Variants in ADAT2 observed in about 807,000 individuals in gnomAD.
ADAT2 encodes the protein adenosine deaminase tRNA specific 2.
In ADAT2, 26 loss-of-function variants were observed where a neutral mutation model predicts 25.9. The ratio of observed to expected loss-of-function variants is 1.00; its 90% CI spans 0.74 to 1.39. The LOEUF is 1.39. Ranked by LOEUF, ADAT2 falls within the 40% of genes most tolerant of loss-of-function variation. ADAT2 has a pLI of 0.00. For missense variants in ADAT2, 220 were observed against 244.8 expected, an observed-to-expected ratio of 0.90 and a Z score of 0.68; for synonymous variants, 76 against 86.8, an observed-to-expected ratio of 0.88 and a Z score of 0.69.
At position 143,444,175 on chromosome 6, in the gene ADAT2, T is replaced by C. The variant is rs140643162; in HGVS notation, c.97-5481A>G. Among the ~76,000 whole-genome samples the C allele has an allele frequency of 6.6e-5, 10 of 152,330 alleles. No individual in the cohort carries two copies. Among genetic ancestry groups the C allele is most frequent in the African/African-American group, 2.4e-4 (10 of 41,576 alleles). ...ACTCCTCTCAATATTATCTTCATGT[T>C]TATTTTGAGTAACACAGTTTTTTTT... On this transcript the variant is annotated intron_variant, in intron 1 of 5. Coordinates refer to ENST00000237283, the MANE Select transcript of ADAT2 (RefSeq NM_182503.3). The surrounding 1 kb of genome is among the most constrained non-coding windows in gnomAD (Gnocchi z 4.3).
intron 2 of ADAT2, among the ~76,000 whole-genome samples, chr6:143,438,039 G>C (rs1401793398): frequency 6.6e-6 from 1 of 152,086 alleles, no homozygotes; most frequent in African/African-American, 2.4e-5. Context: ...TGGTGTTGAA[G>C]ACCCTATTTT....
Position 143,431,089 on chromosome 6 carries a change from G to A in ADAT2, c.459+1416C>T, listed in dbSNP as rs116878039. Among the ~76,000 whole-genome samples, 602 of 152,184 alleles carry A rather than the reference G, an allele frequency of 4.0e-3. 1 individual carries two copies. Among genetic ancestry groups the A allele is most frequent in the Non-Finnish European group, 7.0e-3 (475 of 68,010 alleles). On this transcript the variant is annotated intron_variant, in intron 4 of 5. Transcript: ENST00000237283. ...AAGAATACCCAGCATTCAGAGCCTGGGCCACCACTGTTCTCCTTAGAATCT... is the reference window on the plus strand; with the variant it reads ...AAGAATACCCAGCATTCAGAGCCTGAGCCACCACTGTTCTCCTTAGAATCT...
At position 143,437,697 on chromosome 6, in the gene ADAT2, T is replaced by C. The variant is rs1779332444; in HGVS notation, c.201+893A>G. On this transcript the variant is annotated intron_variant, in intron 2 of 5. Transcript: ENST00000237283. This position sits in a 1 kb window ranked among gnomAD's most constrained non-coding sequence, Gnocchi z 4.1. ...CATGTGTTTTGCTAAATATCAGTTT[T>C]CTTTTCAATAGATGTGATTGATAGA... Among the ~76,000 whole-genome samples, 1 of 152,230 alleles carries C rather than the reference T, an allele frequency of 6.6e-6. No homozygotes were observed. The highest frequency in any genetic ancestry group is 2.4e-5 in the African/African-American group (1 of 41,454).
rs1186458148 is a variant in ADAT2, at chr6:143,423,802, A to G, written c.*4661T>C. The G allele has an allele frequency of 6.6e-6, 1 of 152,224 alleles. No homozygotes were observed. The highest frequency in any genetic ancestry group is 2.4e-5 in the African/African-American group (1 of 41,464). 9.4% of individuals were successfully genotyped at this position (152,224 alleles called of 1,614,324 possible). A position where few individuals can be genotyped will look rare whatever the true frequency, so the allele number is the denominator to read the frequency against. ...TCAAAAGTAGGGGATGAGAAATTTC[A>G]TAGATATTGGGGATGTGGGATTCTC... On this transcript the variant is annotated 3_prime_UTR_variant, in exon 6 of 6. Coordinates refer to ENST00000237283, the MANE Select transcript of ADAT2 (RefSeq NM_182503.3).
At position 143,432,362 on chromosome 6, in the gene ADAT2, A is replaced by G; in HGVS notation, c.459+143T>C. 1.4e-6 allele frequency: 1 copy of G among 722,716 alleles called. No individual in the cohort carries two copies. Among genetic ancestry groups the G allele is most frequent in the Non-Finnish European group, 2.3e-6 (1 of 433,194 alleles). 44.8% of individuals were successfully genotyped at this position (722,716 alleles called of 1,614,324 possible). On this transcript the variant is annotated intron_variant, in intron 4 of 5. Transcript: ENST00000237283. The surrounding 1 kb of genome is among the most constrained non-coding windows in gnomAD (Gnocchi z 4.4). ...GTCATCTTATACTGAGGCATAAATG[A>G]ACTCCACCAGAGGCCCTGAGATCAA...
chr6:143,449,675 T>C (rs919426340), intron 1 of ADAT2: 2 of 152,336 alleles, frequency 1.3e-5, no homozygotes, highest in South Asian at 2.1e-4. Flanking sequence ...AGCTGAAAAG[T>C]GCTAGCGAGC....
chr6:143,446,687 C>G lies in ADAT2; in HGVS notation c.96+3876G>C, dbSNP rs888785578. The stretch of plus-strand genomic sequence containing the variant: ...TGGCAAGCAGTGAGCTACCTAACAC[C>G]GAGAGGCAGGCCAGGCCAGTATTTA... On this transcript the variant is annotated intron_variant, in intron 1 of 5. Coordinates refer to ENST00000237283, the MANE Select transcript of ADAT2 (RefSeq NM_182503.3). This position sits in a 1 kb window ranked among gnomAD's most constrained non-coding sequence, Gnocchi z 5.0. Among the ~76,000 whole-genome samples the G allele has an allele frequency of 2.6e-5, 4 of 151,946 alleles. No individual in the cohort carries two copies. The highest frequency in any genetic ancestry group is 6.6e-5 in the Admixed American group (1 of 15,260).
intron 4 of ADAT2, among the ~76,000 whole-genome samples, chr6:143,430,238 C>T (rs1268940496): frequency 1.3e-5 from 2 of 152,206 alleles, no homozygotes; most frequent in African/African-American, 4.8e-5. Flanking sequence ...CCACTCCACT[C>T]GCACACTCAG....
At chr6:143,429,247 TA>T (rs940660276) in intron 4 of ADAT2, among the ~76,000 whole-genome samples, 10 of 151,770 alleles carry the variant, frequency 6.6e-5, no homozygotes, top group Non-Finnish European at 1.5e-4. Flanking sequence ...AAAGCTTTGT[TA>T]AAGAAAAAAA....
In ADAT2 at chr6:143,437,073, GTT is replaced by G. The variant is rs903554052; in HGVS notation, c.201+1515_201+1516del. Among the ~76,000 whole-genome samples, 1 of 150,348 alleles carries G rather than the reference GTT, an allele frequency of 6.7e-6. No homozygotes were observed. Among genetic ancestry groups the G allele is most frequent in the African/African-American group, 2.4e-5 (1 of 41,148 alleles). On this transcript the variant is annotated intron_variant, in intron 2 of 5. Transcript: ENST00000237283. The surrounding 1 kb of genome is among the most constrained non-coding windows in gnomAD (Gnocchi z 4.1). ...TTTTCATAAGCAAATTGATAAAAAA[GTT>G]TTTTTGGGGGGCTGACATATTAACT...
chr6:143,423,480 T>C lies in ADAT2; in HGVS notation c.*4983A>G, dbSNP rs1168848244. ...TGGACTCCTGCTCTAGATTCTCAAG[T>C]TCATGCTTCAACATGTTAAAGAAAA... On this transcript the variant is annotated 3_prime_UTR_variant, in exon 6 of 6. Transcript: ENST00000237283. 6.6e-6 allele frequency: 1 copy of C among 152,230 alleles called. No individual in the cohort carries two copies. The highest frequency in any genetic ancestry group is 2.4e-5 in the African/African-American group (1 of 41,456). 9.4% of individuals were successfully genotyped at this position (152,230 alleles called of 1,614,324 possible).
intron 1 of ADAT2, among the ~76,000 whole-genome samples, chr6:143,443,830 TAA>T (rs397970399): frequency 2.3e-5 from 3 of 131,978 alleles, no homozygotes; most frequent in South Asian, 2.5e-4. Context: ...AACTCTGTCT[TAA>T]AAAAAAAAAA....
chr6:143,431,531 T>C (rs560020761), intron 4 of ADAT2, among the ~76,000 whole-genome samples: 30 of 152,368 alleles, frequency 2.0e-4, no homozygotes, highest in African/African-American at 7.2e-4. Context: ...TCCTTTACTC[T>C]CCATCATTGC....
Position 143,434,393 on chromosome 6 carries a change from C to G in ADAT2, c.202-412G>C, listed in dbSNP as rs1473036041. On this transcript the variant is annotated intron_variant, in intron 2 of 5. Transcript: ENST00000237283. The surrounding 1 kb of genome is among the most constrained non-coding windows in gnomAD (Gnocchi z 4.5). ...ATATTTTCAAGGCTGTCACTGACCT[C>G]ACTCCAAGCAAATCTACATTAAGTT... is the stretch of plus-strand genomic sequence containing the variant. Among the ~76,000 whole-genome samples the G allele has an allele frequency of 2.0e-5, 3 of 152,242 alleles. No homozygotes were observed. The highest frequency in any genetic ancestry group is 4.4e-5 in the Non-Finnish European group (3 of 68,046).
rs1779413117 is a variant in ADAT2 at position 143,440,040 on chromosome 6, A to G, written c.97-1346T>C. Among the ~76,000 whole-genome samples, 1 of 152,196 alleles carries G rather than the reference A, an allele frequency of 6.6e-6. No homozygotes were observed. Among genetic ancestry groups the G allele is most frequent in the Admixed American group, 6.5e-5 (1 of 15,282 alleles). On this transcript the variant is annotated intron_variant, in intron 1 of 5. Coordinates refer to ENST00000237283, the MANE Select transcript of ADAT2 (RefSeq NM_182503.3). This position sits in a 1 kb window ranked among gnomAD's most constrained non-coding sequence, Gnocchi z 4.5. ...CTTCAGGCGGAGAGCTTAAGCAGGCAGGTTATGCCTCAGTATAACCTGATA... is the reference window on the plus strand; with the variant it reads ...CTTCAGGCGGAGAGCTTAAGCAGGCGGGTTATGCCTCAGTATAACCTGATA...
intron 1 of ADAT2, among the ~76,000 whole-genome samples, 166 bp from the exon 2 acceptor site, chr6:143,438,860 G>A (rs183188593): frequency 6.3e-4 from 96 of 152,192 alleles, no homozygotes; most frequent in Admixed American, 1.0e-3. Context: ...TTTAGTGCCC[G>A]TGTTCTGTGT....
At chr6:143,433,314 C>G (rs940072411) in intron 3 of ADAT2, among the ~76,000 whole-genome samples, 1 of 152,118 alleles carries the variant, frequency 6.6e-6, no homozygotes, top group Non-Finnish European at 1.5e-5. Context: ...CAAGACAATC[C>G]AAAGAGCTGT....
chr6:143,449,244 G>A (rs1459766217), intron 1 of ADAT2, among the ~76,000 whole-genome samples: 2 of 152,112 alleles, frequency 1.3e-5, no homozygotes, highest in African/African-American at 4.8e-5. Flanking sequence ...TAGTGACGGG[G>A]TCTGGCTAAG....
At position 143,445,377 on chromosome 6, in the gene ADAT2, G is replaced by A. The variant is rs149377046; in HGVS notation, c.96+5186C>T. On this transcript the variant is annotated intron_variant, in intron 1 of 5. Transcript: ENST00000237283. ...ATAATATTTTATATATAGTTTCAGC[G>A]TTCATAGATCCCCCTAAACCTGAGC... is the stretch of plus-strand genomic sequence containing the variant. Among the ~76,000 whole-genome samples the A allele has an allele frequency of 2.2e-3, 329 of 152,114 alleles. 1 individual carries two copies. The highest frequency in any genetic ancestry group is 7.2e-3 in the African/African-American group (299 of 41,526).
Sources: gnomAD v4.1 joint callset for allele counts (sites outside exome capture counted in the v4.1 genomes callset) on GRCh38, gnomAD v4.1.1 for gene constraint, Gnocchi (gnomAD v3.1) non-coding constraint, MANE v1.5 for transcripts, NCBI Gene and HGNC (gene_info 2026-07-23, HGNC 2026-07-21) for gene names.